CRB1: variants seen among roughly 807,000 people sequenced by gnomAD.
CRB1 encodes crumbs cell polarity complex component 1, also known as protein crumbs homolog 1.
CRB1 carries 83 observed loss-of-function variants against 120.0 expected under a neutral mutation model. The observed-to-expected ratio is 0.69, with a 90% CI of 0.58 to 0.83. The LOEUF (loss-of-function observed/expected upper bound fraction) is 0.83. CRB1 is among the 40% of genes least tolerant of loss of function. The pLI is 0.00. For synonymous variants in CRB1, 625 were observed against 612.5 expected (o/e 1.02, Z -0.30); for missense variants, 1,699 against 1,687.6 (o/e 1.01, Z -0.12).
At chr1:197,317,907 GGAAAA>G (rs1657950505) in intron 1 of CRB1, among the ~76,000 whole-genome samples, 1 of 150,564 alleles carries the variant, frequency 6.6e-6, no homozygotes, top group South Asian at 2.1e-4. Context: ...AAAACATAGG[GGAAAA>G]GCTCTGTGAC....
At chr1:197,235,115 C>A in the CRB1 span, among the ~76,000 whole-genome samples, 1 of 152,158 alleles carries the variant, frequency 6.6e-6, no homozygotes, top group Admixed American at 6.5e-5. Flanking sequence ...CCCAAGTAGG[C>A]AAATATATGG....
At chr1:197,371,847 A>G (rs986778605) in intron 5 of CRB1, among the ~76,000 whole-genome samples, 1 of 152,068 alleles carries the variant, frequency 6.6e-6, no homozygotes, top group Non-Finnish European at 1.5e-5. Context: ...GGGAGACATT[A>G]CTTCATTCTT....
chr1:197,354,191 G>C (rs527762969), intron 4 of CRB1, among the ~76,000 whole-genome samples: 1 of 152,270 alleles, frequency 6.6e-6, no homozygotes, highest in South Asian at 2.1e-4. Context: ...ATCATCCACT[G>C]CTGGTAATGT....
At chr1:197,417,459 T>C (rs1409175985) in intron 5 of CRB1, among the ~76,000 whole-genome samples, 2 of 152,092 alleles carry the variant, frequency 1.3e-5, no homozygotes, top group African/African-American at 4.8e-5. Flanking sequence ...TTCTTCCCAA[T>C]AGGCCTCTGT....
chr1:197,336,865 GA>G lies in CRB1; in HGVS notation c.653-7408del, dbSNP rs913861206. 5.3e-5 allele frequency among the ~76,000 whole-genome samples: 8 copies of G among 151,660 alleles called. 1 individual carries two copies. The highest frequency in any genetic ancestry group is 4.2e-4 in the South Asian group (2 of 4,806). On this transcript the variant is annotated intron_variant, in intron 2 of 11. Coordinates refer to ENST00000367400, the MANE Select transcript of CRB1 (RefSeq NM_201253.3). ...GGTTGGAGTCAGGAAATGTTCCTAG[GA>G]AAAAAAATGGCCTATGAGTAGAGCA...
chr1:197,346,352 G>A (rs569204081), intron 3 of CRB1, among the ~76,000 whole-genome samples: 25 of 151,134 alleles, frequency 1.7e-4, no homozygotes, highest in South Asian at 2.1e-4. Flanking sequence ...TTCTAATTCC[G>A]TGAGGTCCAC....
chr1:197,338,247 G>A (rs1659266027), intron 2 of CRB1, among the ~76,000 whole-genome samples: 1 of 152,012 alleles, frequency 6.6e-6, no homozygotes, highest in Non-Finnish European at 1.5e-5. Context: ...AGTGTAGGGG[G>A]AAAGTCATTC....
In CRB1 at chr1:197,421,361, C is replaced by T. The variant is rs142224492; in HGVS notation, c.1533C>T (p.Ala511=). The T allele has an allele frequency of 1.7e-3, 2,761 of 1,614,190 alleles. 63 individuals carry two copies. The South Asian group carries it at 0.021, about 12-fold the overall frequency. The part of the protein sequence containing the change: ...VTTKGSVCNI[A]LRFQTVQPMA... ...CCAAGGGCTCAGTTTGTAACATAGC[C>T]CTCAGGTTTCAGACTGTTCAGCCAA... The change falls in exon 6 of 12, where the codon GCC becomes GCT. Residue 511 remains alanine, a synonymous_variant. Coordinates refer to ENST00000367400, the MANE Select transcript of CRB1 (RefSeq NM_201253.3).
the CRB1 span, among the ~76,000 whole-genome samples, chr1:197,245,874 T>C: frequency 1.3e-5 from 2 of 152,062 alleles, no homozygotes; most frequent in East Asian, 3.9e-4. Flanking sequence ...CTGATGTTTT[T>C]CTTGATGAGA....
chr1:197,297,992 G>C (rs1188355133), intron 1 of CRB1, among the ~76,000 whole-genome samples: 3 of 152,184 alleles, frequency 2.0e-5, no homozygotes, highest in South Asian at 2.1e-4. Flanking sequence ...TGGAAACTGA[G>C]TGAGAATAGA....
At chr1:197,236,195 CTTTT>C in the CRB1 span, among the ~76,000 whole-genome samples, 66 of 113,024 alleles carry the variant, frequency 5.8e-4, no homozygotes, top group African/African-American at 1.0e-3. Flanking sequence ...CTTTTATTTC[CTTTT>C]TTTTTTTTTT....
intron 5 of CRB1, among the ~76,000 whole-genome samples, chr1:197,368,292 T>C (rs1661187969): frequency 6.6e-6 from 1 of 152,146 alleles, no homozygotes; most frequent in African/African-American, 2.4e-5. Context: ...TAAATAACTG[T>C]AACTCTAAAA....
At chr1:197,327,632 A>T (rs948687082) in intron 1 of CRB1, among the ~76,000 whole-genome samples, 1 of 152,244 alleles carries the variant, frequency 6.6e-6, no homozygotes, top group Non-Finnish European at 1.5e-5. Flanking sequence ...CAGACAAAAA[A>T]ACTTTATTTT....
At chr1:197,452,648 A>T (rs1666027012) in intron 11 of CRB1, among the ~76,000 whole-genome samples, 1 of 152,200 alleles carries the variant, frequency 6.6e-6, no homozygotes, top group Non-Finnish European at 1.5e-5. Flanking sequence ...GGGCCACACA[A>T]CAAATAGGGA....
chr1:197,465,147 T>G (rs1004830926), intron 11 of CRB1, among the ~76,000 whole-genome samples: 4 of 152,230 alleles, frequency 2.6e-5, no homozygotes, highest in Admixed American at 1.3e-4. Context: ...TATTGTATGA[T>G]CTAATTTTAT....
At chr1:197,291,028 TTTATAC>T (rs1472099798) in intron 1 of CRB1, among the ~76,000 whole-genome samples, 1 of 151,858 alleles carries the variant, frequency 6.6e-6, no homozygotes, top group African/African-American at 2.4e-5. Context: ...TCTTCTCGAT[TTTATAC>T]TTATATGACA....
intron 5 of CRB1, among the ~76,000 whole-genome samples, chr1:197,371,708 AC>A (rs1661379092): frequency 2.0e-5 from 3 of 152,156 alleles, no homozygotes; most frequent in Admixed American, 6.5e-5. Flanking sequence ...CCCAACTCCC[AC>A]AGGGTTGGTA....
intron 3 of CRB1, 43 bp downstream of exon 3, chr1:197,344,519 G>C: frequency 6.4e-7 from 1 of 1,564,850 alleles, no homozygotes; most frequent in Non-Finnish European, 8.8e-7. Flanking sequence ...AGAACTCCCT[G>C]ACCATGAACT....
rs1297707527 is a variant in CRB1, at chr1:197,421,886, C to T, written c.2058C>T (p.Arg686=). The change falls in exon 6 of 12, where the codon CGC becomes CGT. Residue 686 remains arginine, a synonymous_variant. Coordinates refer to ENST00000367400, the MANE Select transcript of CRB1 (RefSeq NM_201253.3). ...CESQPCQSRG[R]CINLWLSYQC... is the part of the protein sequence containing the mutation. The stretch of plus-strand genomic sequence containing the variant: ...GCCAACCTTGTCAAAGCAGAGGACG[C>T]TGCATCAACTTGTGGCTGAGTTACC... The T allele has an allele frequency of 2.5e-6, 4 of 1,614,076 alleles. No individual in the cohort carries two copies. The highest frequency in any genetic ancestry group is 3.4e-6 in the Non-Finnish European group (4 of 1,180,050).
Sources: gnomAD v4.1 joint callset for allele counts (sites outside exome capture counted in the v4.1 genomes callset) on GRCh38, gnomAD v4.1.1 for gene constraint, MANE v1.5 for transcripts, NCBI Gene and HGNC (gene_info 2026-07-23, HGNC 2026-07-21) for gene names.